Variants in LGR5 observed in about 807,000 individuals in gnomAD.
LGR5 encodes leucine-rich repeat-containing G protein-coupled receptor 5.
LGR5 carries 54 observed loss-of-function variants against 76.7 expected under a neutral mutation model. The ratio of observed to expected loss-of-function variants is 0.70; its 90% confidence interval spans 0.57 to 0.88. LGR5 has a LOEUF of 0.88. Among genes scored for constraint, LGR5 ranks in the 40% least tolerant of loss-of-function variants. LGR5 has a pLI of 0.00. For synonymous variants in LGR5, 406 were observed against 421.9 expected (o/e 0.96, Z 0.46); for missense variants, 1,078 against 1,073.3 (o/e 1.00, Z -0.06).
In LGR5 at chr12:71,482,504, C is replaced by T. The variant is rs577181245; in HGVS notation, c.213-22110C>T. Among the ~76,000 whole-genome samples, 4 of 151,854 alleles carry T rather than the reference C, an allele frequency of 2.6e-5. No individual in the cohort carries two copies. In the South Asian group the frequency reaches 8.3e-4, roughly 32 times the overall value. ...ATAAAATTAGAGCCCACTCTAATGA[C>T]CTTATTTAAACTTAAAGACACTATC... is the stretch of plus-strand genomic sequence containing the variant. On this transcript the variant is annotated intron_variant, in intron 1 of 17. Transcript: ENST00000266674.
chr12:71,449,092 T>C (rs1025121596), intron 1 of LGR5, among the ~76,000 whole-genome samples: 1 of 152,182 alleles, frequency 6.6e-6, no homozygotes, highest in African/African-American at 2.4e-5. Flanking sequence ...GGGATACGCT[T>C]CTCCTGTGTC....
At chr12:71,576,816 G>A (rs1878876491) in intron 13 of LGR5, among the ~76,000 whole-genome samples, 2 of 152,192 alleles carry the variant, frequency 1.3e-5, no homozygotes, top group Non-Finnish European at 1.5e-5. Flanking sequence ...GACTCTGACA[G>A]ATGGTATTAC....
chr12:71,472,351 G>A (rs12814521), intron 1 of LGR5, among the ~76,000 whole-genome samples: 10,746 of 152,090 alleles, frequency 0.071, 408 homozygotes, highest in African/African-American at 0.093. Flanking sequence ...TTATAAACAA[G>A]GAAACTGATG....
chr12:71,497,950 G>A (rs1203624580), intron 1 of LGR5, among the ~76,000 whole-genome samples: 2 of 152,136 alleles, frequency 1.3e-5, no homozygotes, highest in Non-Finnish European at 2.9e-5. Flanking sequence ...GATGAACAAA[G>A]TACCTACTTT....
chr12:71,462,642 G>T (rs1872727247), intron 1 of LGR5, among the ~76,000 whole-genome samples: 1 of 152,024 alleles, frequency 6.6e-6, no homozygotes, highest in Non-Finnish European at 1.5e-5. Context: ...CTTTTATGGT[G>T]CATTCATGCC....
At chr12:71,526,536 G>A (rs1380485794) in intron 3 of LGR5, among the ~76,000 whole-genome samples, 2 of 152,090 alleles carry the variant, frequency 1.3e-5, no homozygotes, top group African/African-American at 2.4e-5. Context: ...AGCCTAGTGC[G>A]TGTGATACTC....
intron 4 of LGR5, among the ~76,000 whole-genome samples, chr12:71,540,979 T>A (rs1178508021): frequency 3.3e-5 from 5 of 152,226 alleles, no homozygotes; most frequent in Non-Finnish European, 7.3e-5. Flanking sequence ...TTTGTTTTGC[T>A]TTCTTCACAA....
chr12:71,504,603 T>C lies in LGR5; in HGVS notation c.213-11T>C, dbSNP rs777174903. 7 of 1,613,040 alleles carry C rather than the reference T, an allele frequency of 4.3e-6. No individual in the cohort carries two copies. The African/African-American group carries it at 8.0e-5, about 18-fold the overall frequency. Reference sequence around the variant, plus strand: ...TGCTGCTCCTCACACGCTGTCTGTTTTCCCCCCCAGAGACCTCAGTATGAA... The same window carrying C: ...TGCTGCTCCTCACACGCTGTCTGTTCTCCCCCCCAGAGACCTCAGTATGAA... On this transcript the variant is annotated splice_polypyrimidine_tract_variant and intron_variant, in intron 1 of 17. Transcript: ENST00000266674.
At chr12:71,446,335 C>T (rs1225659349) in intron 1 of LGR5, among the ~76,000 whole-genome samples, 3 of 152,208 alleles carry the variant, frequency 2.0e-5, no homozygotes, top group African/African-American at 7.2e-5. Context: ...CCATGATTTA[C>T]ATGTATAAAT....
At chr12:71,481,121 T>A (rs528361733) in intron 1 of LGR5, among the ~76,000 whole-genome samples, 165 of 152,336 alleles carry the variant, frequency 1.1e-3, no homozygotes, top group African/African-American at 3.8e-3. Flanking sequence ...CCAGGATACA[T>A]GTGCAGAACG....
At chr12:71,578,748 A>G (rs1878966735) in intron 14 of LGR5, 56 bp from the exon 15 acceptor site, 3 of 1,497,892 alleles carry the variant, frequency 2.0e-6, no homozygotes, top group Non-Finnish European at 2.7e-6. Context: ...TTTTTTTAAC[A>G]TAAACGTTTT....
chr12:71,504,611 C>T lies in LGR5; in HGVS notation c.213-3C>T, dbSNP rs368743730. ...CTCACACGCTGTCTGTTTTCCCCCC[C>T]AGAGACCTCAGTATGAACAACATCA... On this transcript the variant is annotated splice_region_variant and splice_polypyrimidine_tract_variant and intron_variant, in intron 1 of 17. Coordinates refer to ENST00000266674, the MANE Select transcript of LGR5 (RefSeq NM_003667.4). 8.1e-6 allele frequency: 13 copies of T among 1,613,730 alleles called. No individual in the cohort carries two copies. The highest frequency in any genetic ancestry group is 2.7e-5 in the African/African-American group (2 of 75,020).
chr12:71,447,332 T>C (rs901330673), intron 1 of LGR5, among the ~76,000 whole-genome samples: 1 of 152,228 alleles, frequency 6.6e-6, no homozygotes, highest in African/African-American at 2.4e-5. Flanking sequence ...TTCTGAACTA[T>C]GCATTTAATT....
intron 3 of LGR5, among the ~76,000 whole-genome samples, chr12:71,527,040 C>T (rs1292563): frequency 0.97 from 147,844 of 152,126 alleles, 71,991 homozygotes; most frequent in Middle Eastern, 1. Context: ...TGTTAAGTCA[C>T]ATGGGTGGAC....
At chr12:71,568,072 A>G (rs1451120173) in intron 11 of LGR5, among the ~76,000 whole-genome samples, 1 of 152,126 alleles carries the variant, frequency 6.6e-6, no homozygotes, top group Non-Finnish European at 1.5e-5. Flanking sequence ...AATCATCCCC[A>G]TTTCTCCAGA....
chr12:71,514,947 G>T (rs985848539), intron 2 of LGR5, among the ~76,000 whole-genome samples: 3 of 152,170 alleles, frequency 2.0e-5, no homozygotes, highest in Non-Finnish European at 2.9e-5. Context: ...ATTAGTTGAT[G>T]AAATGTCATG....
At chr12:71,481,544 C>T (rs1188609664) in intron 1 of LGR5, among the ~76,000 whole-genome samples, 1 of 152,104 alleles carries the variant, frequency 6.6e-6, no homozygotes, top group Non-Finnish European at 1.5e-5. Context: ...GTGAATAGTG[C>T]TGCATTAAAC....
At chr12:71,560,629 T>C (rs1878009937) in intron 7 of LGR5, among the ~76,000 whole-genome samples, 1 of 152,122 alleles carries the variant, frequency 6.6e-6, no homozygotes, top group East Asian at 1.9e-4. Flanking sequence ...CCGTCTCTAC[T>C]AAAAATACAA....
intron 2 of LGR5, among the ~76,000 whole-genome samples, chr12:71,522,080 G>C (rs148881103): frequency 6.6e-6 from 1 of 152,168 alleles, no homozygotes; most frequent in African/African-American, 2.4e-5. Context: ...GGGCTAGAGG[G>C]GGGAATGTGG....
Sources: gnomAD v4.1 joint callset for allele counts (sites outside exome capture counted in the v4.1 genomes callset) on GRCh38, gnomAD v4.1.1 for gene constraint, MANE v1.5 for transcripts, NCBI Gene and HGNC (gene_info 2026-07-23, HGNC 2026-07-21) for gene names.